TPGS1: variants seen among roughly 807,000 people sequenced by gnomAD.
TPGS1 encodes tubulin polyglutamylase complex subunit 1.
TPGS1 carries 18 observed loss-of-function variants against 11.9 expected under a neutral mutation model. The ratio of observed to expected loss-of-function variants is 1.51; its 90% confidence interval spans 1.04 to 2.24. The LOEUF (loss-of-function observed/expected upper bound fraction) is 2.24. TPGS1 is among the 30% of genes most tolerant of loss of function. The pLI, the probability that TPGS1 is intolerant of heterozygous loss-of-function variation, is 0.00. For synonymous variants in TPGS1, 247 were observed against 218.2 expected (o/e 1.13, Z -1.16); for missense variants, 500 against 443.0 (o/e 1.13, Z -1.16).
chr19:510,829 A>G (rs1978773068), intron 1 of TPGS1, among the ~76,000 whole-genome samples: 1 of 152,232 alleles, frequency 6.6e-6, no homozygotes, highest in Admixed American at 6.5e-5. Flanking sequence ...GATCTGGGCC[A>G]GGGTTCCCCC....
chr19:516,306 G>A (rs539328998), intron 1 of TPGS1, among the ~76,000 whole-genome samples: 43 of 152,222 alleles, frequency 2.8e-4, no homozygotes, highest in African/African-American at 8.9e-4. Flanking sequence ...ATCGTAAGGC[G>A]GGAACTACGT....
chr19:515,740 AAAAG>A (rs772336298), intron 1 of TPGS1, among the ~76,000 whole-genome samples: 128 of 144,916 alleles, frequency 8.8e-4, no homozygotes, highest in Non-Finnish European at 1.7e-3. Flanking sequence ...CTGTCTCAAA[AAAAG>A]AAAGAGGGCC....
chr19:512,155 G>A (rs954970991), intron 1 of TPGS1, among the ~76,000 whole-genome samples: 2 of 152,040 alleles, frequency 1.3e-5, no homozygotes, highest in African/African-American at 2.4e-5. Flanking sequence ...ACAGGCATAA[G>A]CCACTGTGCC....
At chr19:518,778 A>AG in intron 1 of TPGS1, 111 bp from the exon 2 acceptor site, 5 of 1,075,078 alleles carry the variant, frequency 4.7e-6, no homozygotes, top group Non-Finnish European at 5.8e-6. Context: ...AGGGGAGGCC[A>AG]GGGCTGGCTG....
intron 1 of TPGS1, among the ~76,000 whole-genome samples, chr19:514,757 A>G (rs531990931): frequency 4.6e-5 from 7 of 152,284 alleles, no homozygotes; most frequent in Non-Finnish European, 8.8e-5. Context: ...GTTTCCCTAT[A>G]TGTCCCAGAG....
intron 1 of TPGS1, among the ~76,000 whole-genome samples, 171 bp from the exon 2 acceptor site, chr19:518,718 G>A (rs4919839): frequency 0.21 from 29,916 of 140,592 alleles, 3,811 homozygotes; most frequent in Admixed American, 0.34. Flanking sequence ...AGGAGCTTCA[G>A]GGATAGAGGG....
Position 507,745 on chromosome 19 carries a change from TA to T in TPGS1, c.242del (p.Asn81ThrfsTer40). On this transcript the variant is annotated frameshift_variant, in exon 1 of 2. Coordinates refer to ENST00000359315, the MANE Select transcript of TPGS1 (RefSeq NM_033513.3). LOFTEE classifies it high-confidence loss of function. ...YFENMGLRSP[V>X]NGGAGEPPGQ... ...GAGAACATGGGCCTGCGCTCGCCTG[TA>T]AACGGCGGCGCCGGGGAGCCCCCGG... 1 of 1,400,146 alleles carries T rather than the reference TA, an allele frequency of 7.1e-7. No individual in the cohort carries two copies. The highest frequency in any genetic ancestry group is 1.6e-5 in the South Asian group (1 of 63,620). 86.7% of individuals were successfully genotyped at this position (1,400,146 alleles called of 1,614,324 possible).
chr19:512,500 A>C (rs1978826676), intron 1 of TPGS1, among the ~76,000 whole-genome samples: 1 of 146,448 alleles, frequency 6.8e-6, no homozygotes, highest in African/African-American at 2.5e-5. Flanking sequence ...CTTGACACGC[A>C]CCTGCAATCA....
At chr19:511,498 T>C (rs891021926) in intron 1 of TPGS1, among the ~76,000 whole-genome samples, 1 of 152,234 alleles carries the variant, frequency 6.6e-6, no homozygotes, top group African/African-American at 2.4e-5. Flanking sequence ...GCTGCTGTCC[T>C]GAGCACCTGG....
At chr19:515,411 A>G (rs934223562) in intron 1 of TPGS1, among the ~76,000 whole-genome samples, 5 of 151,530 alleles carry the variant, frequency 3.3e-5, no homozygotes, top group African/African-American at 7.3e-5. Flanking sequence ...AAAAAAAAAA[A>G]AAAAAGAAAA....
At chr19:516,031 CA>C (rs762448171) in intron 1 of TPGS1, among the ~76,000 whole-genome samples, 21,510 of 88,094 alleles carry the variant, frequency 0.24, 1,266 homozygotes, top group South Asian at 0.35. Flanking sequence ...GACTCCGTCT[CA>C]AAAAAAAAAA....
intron 1 of TPGS1, 168 bp downstream of exon 1, chr19:508,012 G>GGGTCCGGGCTTC (rs1184402555): frequency 2.0e-6 from 1 of 507,266 alleles, no homozygotes; most frequent in Non-Finnish European, 3.1e-6. Context: ...GTGGGCTGGA[G>GGGTCCGGGCTTC]GGTCCGGGCT....
chr19:512,016 C>T (rs8110592), intron 1 of TPGS1, among the ~76,000 whole-genome samples: 48,183 of 151,752 alleles, frequency 0.32, 8,319 homozygotes, highest in East Asian at 0.45. Context: ...GGACTACAGG[C>T]GCCCCCACCA....
chr19:515,846 A>G (rs1396235582), intron 1 of TPGS1, among the ~76,000 whole-genome samples: 1 of 151,384 alleles, frequency 6.6e-6, no homozygotes, highest in Non-Finnish European at 1.5e-5. Context: ...TCCCGGCTAA[A>G]ACGGTGAAAC....
Position 519,404 on chromosome 19 carries a change from A to G in TPGS1, c.854A>G (p.Lys285Arg). The change falls in exon 2 of 2, where the codon AAG becomes AGG. Residue 285 changes from lysine to arginine, a missense_variant. Coordinates refer to ENST00000359315, the MANE Select transcript of TPGS1 (RefSeq NM_033513.3). ...AGGGCCGCCGCGCTCTTCATCGCGA[A>G]GGTCAAGCCGGTGGGCTGAGGCCCG... ...LERAAALFIAKVKPVG is the reference protein window; with the variant it reads ...LERAAALFIARVKPVG 8.2e-7 allele frequency: 1 copy of G among 1,223,484 alleles called. No individual in the cohort carries two copies. Among genetic ancestry groups the G allele is most frequent in the South Asian group, 3.4e-5 (1 of 29,188 alleles). 75.8% of individuals were successfully genotyped at this position (1,223,484 alleles called of 1,614,324 possible). A position where few individuals can be genotyped will look rare whatever the true frequency, so the allele number is the denominator to read the frequency against.
At chr19:509,134 G>A (rs1194694920) in intron 1 of TPGS1, 2 of 152,192 alleles carry the variant, frequency 1.3e-5, no homozygotes, top group South Asian at 4.1e-4. Context: ...GAACTGGAGG[G>A]GTCCTGAAGT....
At chr19:508,019 G>A in intron 1 of TPGS1, 175 bp downstream of exon 1, 3 of 484,302 alleles carry the variant, frequency 6.2e-6, no homozygotes, top group Non-Finnish European at 9.9e-6. Flanking sequence ...GGAGGGTCCG[G>A]GCTTCGGTCC....
At position 507,531 on chromosome 19, in the gene TPGS1, CAA is replaced by C; in HGVS notation, c.26_27del (p.Gln9ArgfsTer163). The stretch of plus-strand genomic sequence containing the variant: ...GATGGCGGCAGTGGAGAAGCGGCGG[CAA>C]GCGGTACCACCGCCGGCCGGTTTCA... The part of the protein sequence containing the change: MAAVEKRR[Q>X]AVPPPAGFTD... On this transcript the variant is annotated frameshift_variant, in exon 1 of 2. Coordinates refer to ENST00000359315, the MANE Select transcript of TPGS1 (RefSeq NM_033513.3). LOFTEE classifies it high-confidence loss of function. 4.9e-6 allele frequency: 7 copies of C among 1,419,626 alleles called. No homozygotes were observed. The highest frequency in any genetic ancestry group is 1.5e-5 in the African/African-American group (1 of 67,224). 87.9% of individuals were successfully genotyped at this position (1,419,626 alleles called of 1,614,324 possible).
intron 1 of TPGS1, among the ~76,000 whole-genome samples, chr19:511,206 C>T (rs1386346091): frequency 6.6e-6 from 1 of 152,352 alleles, no homozygotes; most frequent in South Asian, 2.1e-4. Context: ...GTTCCAGCCC[C>T]GGCCTCCTCC....
Sources: gnomAD v4.1 joint callset for allele counts (sites outside exome capture counted in the v4.1 genomes callset) on GRCh38, gnomAD v4.1.1 for gene constraint, MANE v1.5 for transcripts, NCBI Gene and HGNC (gene_info 2026-07-23, HGNC 2026-07-21) for gene names.